Variants in CHST9 observed in about 807,000 individuals in gnomAD.
CHST9 encodes carbohydrate sulfotransferase 9, also known as GalNAc-4-sulfotransferase 2.
In CHST9, 41 loss-of-function variants were observed where a neutral mutation model predicts 44.4. That is an observed-to-expected ratio of 0.92 (90% CI 0.72 to 1.20). The LOEUF (loss-of-function observed/expected upper bound fraction) is 1.20, where lower values mean the gene tolerates loss of function less well. CHST9 is among the 50% of genes most tolerant of loss of function. CHST9 has a pLI of 0.00. For synonymous variants in CHST9, 171 were observed against 178.4 expected, an observed-to-expected ratio of 0.96 and a Z score of 0.33; for missense variants, 504 against 516.5, an observed-to-expected ratio of 0.98 and a Z score of 0.23.
At chr18:27,093,688 C>A (rs2058090327) in intron 2 of CHST9, among the ~76,000 whole-genome samples, 1 of 152,226 alleles carries the variant, frequency 6.6e-6, no homozygotes, top group African/African-American at 2.4e-5. Flanking sequence ...TCTCCCAACC[C>A]CTTGTGCTTC....
At chr18:26,987,651 G>A (rs2056769613) in intron 4 of CHST9, among the ~76,000 whole-genome samples, 1 of 152,152 alleles carries the variant, frequency 6.6e-6, no homozygotes, top group Non-Finnish European at 1.5e-5. Context: ...TGATCTGAAT[G>A]TGTCCCCCCA....
chr18:27,184,601 T>A (rs905420084), intron 1 of CHST9, among the ~76,000 whole-genome samples: 1 of 151,872 alleles, frequency 6.6e-6, no homozygotes, highest in East Asian at 1.9e-4. Context: ...AGCCTGCGCC[T>A]GAGCCTGAGC....
intron 4 of CHST9, among the ~76,000 whole-genome samples, chr18:27,003,553 C>T (rs1310790336): frequency 2.0e-5 from 3 of 151,894 alleles, no homozygotes; most frequent in Non-Finnish European, 4.4e-5. Flanking sequence ...AGATTTTTTC[C>T]CCCTCACACT....
intron 1 of CHST9, chr18:27,147,726 C>A (rs943982139): frequency 6.6e-5 from 10 of 152,336 alleles, no homozygotes; most frequent in Non-Finnish European, 1.3e-4. Context: ...TCCATCAACA[C>A]CTCCCCAGTC....
chr18:26,997,082 G>A (rs575581086), intron 4 of CHST9, among the ~76,000 whole-genome samples: 5 of 152,298 alleles, frequency 3.3e-5, no homozygotes, highest in Admixed American at 6.5e-5. Context: ...TGCTAGCTAC[G>A]TAGGTATGTT....
At chr18:27,037,849 TA>T (rs138197609) in intron 3 of CHST9, among the ~76,000 whole-genome samples, 56,451 of 151,122 alleles carry the variant, frequency 0.37, 11,016 homozygotes, top group East Asian at 0.49. Flanking sequence ...TTTTTTTTTT[TA>T]AATTTTTACA....
intron 3 of CHST9, among the ~76,000 whole-genome samples, chr18:27,026,904 C>T (rs2057290464): frequency 6.6e-6 from 1 of 152,212 alleles, no homozygotes; most frequent in Non-Finnish European, 1.5e-5. Context: ...CTTTGCCTTT[C>T]ATTCCATAAC....
chr18:26,983,552 C>T (rs2056718803), intron 4 of CHST9, among the ~76,000 whole-genome samples: 1 of 152,172 alleles, frequency 6.6e-6, no homozygotes, highest in Non-Finnish European at 1.5e-5. Flanking sequence ...CAGATGCCAG[C>T]TTCGTGTATA....
At chr18:27,044,278 T>C (rs1447627848) in intron 3 of CHST9, among the ~76,000 whole-genome samples, 1 of 152,064 alleles carries the variant, frequency 6.6e-6, no homozygotes, top group East Asian at 1.9e-4. Context: ...CCACATCTTA[T>C]TCACCTTTGC....
intron 4 of CHST9, among the ~76,000 whole-genome samples, chr18:26,954,090 G>C (rs1249988547): frequency 6.6e-6 from 1 of 152,062 alleles, no homozygotes; most frequent in Non-Finnish European, 1.5e-5. Flanking sequence ...CCATCAAATT[G>C]TATTTTAATA....
At chr18:27,171,965 A>G (rs898203084) in intron 1 of CHST9, among the ~76,000 whole-genome samples, 14 of 152,192 alleles carry the variant, frequency 9.2e-5, no homozygotes, top group African/African-American at 3.1e-4. Flanking sequence ...ATTAAATACC[A>G]TGAATGAAAA....
rs182759628 is a variant in CHST9 at position 27,010,154 on chromosome 18, T to C, written c.202+13962A>G. On this transcript the variant is annotated intron_variant, in intron 4 of 5. Coordinates refer to ENST00000618847, the MANE Select transcript of CHST9 (RefSeq NM_031422.6). ...AACATGTCTGAAGATACGTATTTTT[T>C]TCATATGAAGTAAATTTATTTAAGA... Among the ~76,000 whole-genome samples, 399 of 152,318 alleles carry C rather than the reference T, an allele frequency of 2.6e-3. 1 individual carries two copies. Among genetic ancestry groups the C allele is most frequent in the Non-Finnish European group, 4.7e-3 (318 of 68,036 alleles).
intron 2 of CHST9, among the ~76,000 whole-genome samples, chr18:27,072,913 A>T (rs2057856993): frequency 6.6e-6 from 1 of 152,178 alleles, no homozygotes. Flanking sequence ...CCGCAGTATG[A>T]TTACCAGGAA....
intron 2 of CHST9, among the ~76,000 whole-genome samples, chr18:27,057,462 A>C (rs75043430): frequency 0.032 from 4,810 of 152,314 alleles, 210 homozygotes; most frequent in African/African-American, 0.095. Flanking sequence ...CAGCCTCCGC[A>C]GACATTGAGG....
chr18:27,031,043 A>G (rs545890123), intron 3 of CHST9, among the ~76,000 whole-genome samples: 20 of 152,276 alleles, frequency 1.3e-4, no homozygotes, highest in African/African-American at 4.8e-4. Context: ...TACTTCATGT[A>G]ATTCTCACAA....
At chr18:26,957,732 T>C (rs955139641) in intron 4 of CHST9, among the ~76,000 whole-genome samples, 1 of 152,158 alleles carries the variant, frequency 6.6e-6, no homozygotes, top group African/African-American at 2.4e-5. Flanking sequence ...GTGAGTAGAT[T>C]GTGTGTGTAT....
At chr18:26,996,778 A>G (rs987667707) in intron 4 of CHST9, among the ~76,000 whole-genome samples, 4 of 152,054 alleles carry the variant, frequency 2.6e-5, no homozygotes, top group African/African-American at 4.8e-5. Flanking sequence ...GTGTGCATGT[A>G]TGTGTGTAAT....
chr18:26,917,550 C>T (rs2055560160), intron 5 of CHST9, among the ~76,000 whole-genome samples, 200 bp from the exon 6 acceptor site: 1 of 152,124 alleles, frequency 6.6e-6, no homozygotes, highest in African/African-American at 2.4e-5. Context: ...TGAGAAATGG[C>T]ATCTACAGGA....
At chr18:27,064,059 T>A (rs1181690867) in intron 2 of CHST9, among the ~76,000 whole-genome samples, 1 of 152,172 alleles carries the variant, frequency 6.6e-6, no homozygotes, top group East Asian at 1.9e-4. Context: ...ACAGAGACTT[T>A]TTTTTTAAGC....
Sources: gnomAD v4.1 joint callset for allele counts (sites outside exome capture counted in the v4.1 genomes callset) on GRCh38, gnomAD v4.1.1 for gene constraint, MANE v1.5 for transcripts, NCBI Gene and HGNC (gene_info 2026-07-23, HGNC 2026-07-21) for gene names.